ZNF236: variants seen among roughly 807,000 people sequenced by gnomAD.
ZNF236 encodes the protein regulated by glucose.
Under a neutral mutation model 191.2 loss-of-function variants are expected in ZNF236, and 50 were observed. That is an observed-to-expected ratio of 0.26 (90% confidence interval 0.21 to 0.33). ZNF236 has a LOEUF of 0.33. Among genes scored for constraint, ZNF236 ranks in the 10% least tolerant of loss-of-function variants. ZNF236 has a pLI of 1.00. For synonymous variants in ZNF236, 907 were observed against 928.8 expected, an observed-to-expected ratio of 0.98 and a Z score of 0.43; for missense variants, 1,754 against 2,374.5, an observed-to-expected ratio of 0.74 and a Z score of 5.43.
intron 30 of ZNF236, among the ~76,000 whole-genome samples, chr18:76,967,601 A>AGGT (rs59522208): frequency 6.2e-5 from 2 of 32,192 alleles, no homozygotes; most frequent in Admixed American, 4.4e-4. Flanking sequence ...TGGTTGTTGG[A>AGGT]GGTGGTGTGA....
intron 9 of ZNF236, among the ~76,000 whole-genome samples, chr18:76,892,993 C>T (rs1220563565): frequency 1.3e-5 from 2 of 152,172 alleles, no homozygotes; most frequent in Non-Finnish European, 2.9e-5. Flanking sequence ...TCTTTTTTAA[C>T]ATTGTGTGGG....
chr18:76,900,873 C>T (rs1204324375), intron 11 of ZNF236, among the ~76,000 whole-genome samples: 9 of 152,060 alleles, frequency 5.9e-5, no homozygotes, highest in East Asian at 1.9e-4. Flanking sequence ...GATTGGGGGT[C>T]GGGTGGGAGG....
intron 25 of ZNF236, chr18:76,931,314 T>C (rs944879837): frequency 6.6e-6 from 1 of 152,214 alleles, no homozygotes; most frequent in Admixed American, 6.5e-5. Context: ...GGAGTTAAAC[T>C]GTCCTTAGCA....
At chr18:76,836,186 G>A (rs754346127) in intron 1 of ZNF236, among the ~76,000 whole-genome samples, 1 of 152,176 alleles carries the variant, frequency 6.6e-6, no homozygotes, top group Non-Finnish European at 1.5e-5. Context: ...AATTACAGGT[G>A]TGAGCCACCA....
chr18:76,852,704 G>A (rs1258363069), intron 3 of ZNF236, among the ~76,000 whole-genome samples: 1 of 151,728 alleles, frequency 6.6e-6, no homozygotes, highest in Non-Finnish European at 1.5e-5. Context: ...TAGAAAATTA[G>A]GAAGATACAA....
intron 4 of ZNF236, among the ~76,000 whole-genome samples, chr18:76,870,852 G>A (rs1438898144): frequency 6.6e-6 from 1 of 152,192 alleles, no homozygotes; most frequent in Non-Finnish European, 1.5e-5. Flanking sequence ...CGGGGCTGCG[G>A]ATGTGCATTT....
chr18:76,911,655 T>G (rs1354941948), intron 16 of ZNF236, among the ~76,000 whole-genome samples: 5 of 152,222 alleles, frequency 3.3e-5, no homozygotes, highest in Non-Finnish European at 5.9e-5. Context: ...GTCCTGTGAC[T>G]CCAGGCCTTC....
rs1351161043 is a variant in ZNF236, at chr18:76,849,608, A to G, written c.138A>G (p.Leu46=). ...PNFHKCEICL[L]SFPKESQFQR... is the part of the protein sequence containing the mutation. ...TCCATAAATGTGAAATCTGTCTACT[A>G]TCTTTTCCAAAAGAATCCCAGTTTC... Residue 46 remains leucine, a synonymous_variant, in exon 2 of 31, where the codon CTA becomes CTG. Transcript: ENST00000320610. 22 of 1,611,016 alleles carry G rather than the reference A, an allele frequency of 1.4e-5. No individual in the cohort carries two copies. The highest frequency in any genetic ancestry group is 5.3e-5 in the African/African-American group (4 of 74,808).
intron 3 of ZNF236, among the ~76,000 whole-genome samples, chr18:76,860,569 C>T (rs573336587): frequency 1.1e-4 from 16 of 152,320 alleles, no homozygotes; most frequent in African/African-American, 3.6e-4. Context: ...CTGTTTGCTT[C>T]AGTCCCTGCC....
intron 1 of ZNF236, among the ~76,000 whole-genome samples, chr18:76,838,819 A>C (rs1208932080): frequency 1.7e-4 from 26 of 152,240 alleles, no homozygotes. Context: ...TTATGTAGTC[A>C]GCACCTAGAT....
chr18:76,833,000 A>C (rs1390072706), intron 1 of ZNF236, among the ~76,000 whole-genome samples: 1 of 152,188 alleles, frequency 6.6e-6, no homozygotes, highest in African/African-American at 2.4e-5. Context: ...GTATTTTAAA[A>C]ATTTCATTTT....
intron 25 of ZNF236, among the ~76,000 whole-genome samples, chr18:76,930,400 A>G (rs1219645374): frequency 6.6e-6 from 1 of 152,208 alleles, no homozygotes. Context: ...TCTTGTCTTT[A>G]CCAAGTTTTT....
chr18:76,856,237 T>A (rs909570042), intron 3 of ZNF236, among the ~76,000 whole-genome samples: 72 of 151,982 alleles, frequency 4.7e-4, no homozygotes, highest in Non-Finnish European at 1.3e-4. Flanking sequence ...TTGCCCAGGC[T>A]AGAGGCACAA....
intron 1 of ZNF236, among the ~76,000 whole-genome samples, chr18:76,822,983 C>T (rs1438539388): frequency 1.3e-5 from 2 of 148,952 alleles, no homozygotes; most frequent in Non-Finnish European, 3.0e-5. Context: ...GGCCCTGCCG[C>T]GGCCCGCGCT....
intron 25 of ZNF236, among the ~76,000 whole-genome samples, chr18:76,933,536 A>G (rs1363044413): frequency 1.3e-5 from 2 of 151,650 alleles, no homozygotes; most frequent in Non-Finnish European, 2.9e-5. Flanking sequence ...CTCTTAGGCT[A>G]CTTTAGCTTA....
intron 1 of ZNF236, among the ~76,000 whole-genome samples, chr18:76,844,597 CATTTT>C (rs1325184143): frequency 6.6e-6 from 1 of 152,184 alleles, no homozygotes; most frequent in Non-Finnish European, 1.5e-5. Context: ...TTATATCTCT[CATTTT>C]AATATGAAAT....
At chr18:76,879,868 G>A (rs1976828324) in intron 7 of ZNF236, among the ~76,000 whole-genome samples, 1 of 152,090 alleles carries the variant, frequency 6.6e-6, no homozygotes, top group African/African-American at 2.4e-5. Flanking sequence ...CTGCCATCTT[G>A]AGTCTCTATG....
intron 1 of ZNF236, among the ~76,000 whole-genome samples, chr18:76,833,219 G>C (rs1447101039): frequency 6.6e-6 from 1 of 151,900 alleles, no homozygotes; most frequent in Non-Finnish European, 1.5e-5. Flanking sequence ...TCATTGTACT[G>C]GCTAGGATCT....
chr18:76,870,067 C>T (rs903277965), intron 4 of ZNF236, among the ~76,000 whole-genome samples: 7 of 152,214 alleles, frequency 4.6e-5, no homozygotes, highest in African/African-American at 1.7e-4. Flanking sequence ...ATCTGTACTT[C>T]TTAACAACAA....
Sources: gnomAD v4.1 joint callset for allele counts (sites outside exome capture counted in the v4.1 genomes callset) on GRCh38, gnomAD v4.1.1 for gene constraint, MANE v1.5 for transcripts, NCBI Gene and HGNC (gene_info 2026-07-23, HGNC 2026-07-21) for gene names.